Variants in CELF2 observed in about 807,000 individuals in gnomAD.
CELF2 encodes the protein CUG triplet repeat RNA-binding protein 2.
In CELF2, 8 loss-of-function variants were observed where a neutral mutation model predicts 62.6. The ratio of observed to expected loss-of-function variants is 0.13; its 90% confidence interval spans 0.07 to 0.23. The LOEUF is 0.23. Ranked by LOEUF, CELF2 falls within the 10% of genes least tolerant of loss-of-function variation. CELF2 has a pLI of 1.00. For missense variants in CELF2, 333 were observed against 671.0 expected (o/e 0.50, Z 5.56); for synonymous variants, 258 against 250.0 (o/e 1.03, Z -0.30).
At chr10:10,581,262 T>C in the CELF2 span, among the ~76,000 whole-genome samples, 2 of 152,206 alleles carry the variant, frequency 1.3e-5, no homozygotes, top group Non-Finnish European at 2.9e-5. Flanking sequence ...AAGTACAACC[T>C]TTAGCTAAAA....
At chr10:10,667,648 G>A in the CELF2 span, among the ~76,000 whole-genome samples, 3 of 152,254 alleles carry the variant, frequency 2.0e-5, no homozygotes, top group Admixed American at 6.5e-5. Flanking sequence ...ACGTTCTCCC[G>A]TGTGTGGGCT....
chr10:10,914,783 T>C (rs1008493945), intron 1 of CELF2, among the ~76,000 whole-genome samples: 1 of 152,194 alleles, frequency 6.6e-6, no homozygotes, highest in Non-Finnish European at 1.5e-5. Context: ...TCTTTTTCTC[T>C]GAACATATAA....
chr10:10,742,773 CAG>C, the CELF2 span, among the ~76,000 whole-genome samples: 2 of 152,148 alleles, frequency 1.3e-5, no homozygotes, highest in African/African-American at 4.8e-5. Flanking sequence ...TTTTGACAAT[CAG>C]GGCAATTTTC....
the CELF2 span, among the ~76,000 whole-genome samples, chr10:10,585,047 G>A: frequency 6.6e-6 from 1 of 152,088 alleles, no homozygotes; most frequent in Non-Finnish European, 1.5e-5. Context: ...TTAACAGGAA[G>A]GGATCTTGGA....
At chr10:11,108,987 T>C (rs1372378740) in intron 1 of CELF2, among the ~76,000 whole-genome samples, 2 of 152,222 alleles carry the variant, frequency 1.3e-5, no homozygotes, top group Non-Finnish European at 2.9e-5. Context: ...ACTGTGTCCT[T>C]TGTAGGCAGA....
At position 10,972,878 on chromosome 10, in the gene CELF2, C is replaced by T. The variant is rs534832732; in HGVS notation, c.89+52879C>T. Among the ~76,000 whole-genome samples the T allele has an allele frequency of 6.6e-6, 1 of 152,328 alleles. No homozygotes were observed. Among genetic ancestry groups the T allele is most frequent in the African/African-American group, 2.4e-5 (1 of 41,560 alleles). On this transcript the variant is annotated intron_variant, in intron 2 of 13. Coordinates refer to the CELF2 transcript ENST00000636488. This position sits in a 1 kb window ranked among gnomAD's most constrained non-coding sequence, Gnocchi z 4.4. ...ATTTTGCCTGTGTCTTCCCTCCCTA[C>T]ATCATCAGCACTACAACGAAGGCAC...
chr10:11,238,325 G>C (rs1256239714), intron 3 of CELF2, among the ~76,000 whole-genome samples: 1 of 152,190 alleles, frequency 6.6e-6, no homozygotes, highest in Non-Finnish European at 1.5e-5. Context: ...TACAGCCTTA[G>C]CAGCACTATA....
the CELF2 span, among the ~76,000 whole-genome samples, chr10:10,557,795 A>G: frequency 7.0e-6 from 1 of 143,572 alleles, no homozygotes; most frequent in East Asian, 2.0e-4. Flanking sequence ...TCTTTGAAGC[A>G]ATTGTGAATG....
intron 1 of CELF2, among the ~76,000 whole-genome samples, chr10:10,860,736 G>GA (rs2060003489): frequency 6.6e-6 from 1 of 152,166 alleles, no homozygotes; most frequent in South Asian, 2.1e-4. Context: ...TTATAGATAG[G>GA]AAAAGGAAGT....
At chr10:10,961,539 G>T (rs2049501222) in intron 2 of CELF2, among the ~76,000 whole-genome samples, 1 of 151,972 alleles carries the variant, frequency 6.6e-6, no homozygotes, top group Admixed American at 6.5e-5. Context: ...GTGAGGTCAA[G>T]AGTAAAAGAC....
chr10:10,596,313 G>A, the CELF2 span, among the ~76,000 whole-genome samples: 36,757 of 151,640 alleles, frequency 0.24, 4,965 homozygotes, highest in South Asian at 0.51. Flanking sequence ...TATAATGTTC[G>A]CTTTGAAAAA....
At chr10:11,278,033 G>A (rs537041462) in intron 8 of CELF2, among the ~76,000 whole-genome samples, 2 of 152,182 alleles carry the variant, frequency 1.3e-5, no homozygotes, top group South Asian at 2.1e-4. Context: ...CATACTGGTC[G>A]ATGAGGTTTA....
intron 2 of CELF2, among the ~76,000 whole-genome samples, chr10:11,187,179 G>A (rs1039712598): frequency 2.0e-5 from 3 of 152,042 alleles, no homozygotes; most frequent in Admixed American, 2.0e-4. Context: ...TCTCCTTTGA[G>A]TTCTATTTTT....
intron 1 of CELF2, among the ~76,000 whole-genome samples, chr10:11,078,733 C>T (rs1249252938): frequency 5.9e-5 from 9 of 152,112 alleles, no homozygotes; most frequent in East Asian, 1.9e-4. Context: ...ATAAAAGAAT[C>T]GGAGGCTGCC....
At position 11,335,263 on chromosome 10, in the gene CELF2, T is replaced by A. The variant is rs2096097326; in HGVS notation, c.*6210T>A. On this transcript the variant is annotated 3_prime_UTR_variant, in exon 13 of 13. Transcript: ENST00000633077. This position sits in a 1 kb window ranked among gnomAD's most constrained non-coding sequence, Gnocchi z 5.0. Reference sequence around the variant, plus strand: ...GCCCTGTTCTGCCTCTGCTCAGGAATCTGATTGCTCTTAAAGTGCTCTTAC... The same window carrying A: ...GCCCTGTTCTGCCTCTGCTCAGGAAACTGATTGCTCTTAAAGTGCTCTTAC... 6.6e-6 allele frequency: 1 copy of A among 152,370 alleles called. No individual in the cohort carries two copies. The highest frequency in any genetic ancestry group is 2.4e-5 in the African/African-American group (1 of 41,468). The allele number at this position is 152,370 out of a possible 1,614,324, so 9.4% of individuals were successfully genotyped here.
chr10:10,883,588 C>T (rs1439805020), intron 1 of CELF2, among the ~76,000 whole-genome samples: 1 of 152,056 alleles, frequency 6.6e-6, no homozygotes, highest in Admixed American at 6.6e-5. Context: ...GTGTGCTTCT[C>T]ATGCTGTCCC....
the CELF2 span, among the ~76,000 whole-genome samples, chr10:10,660,240 A>C: frequency 6.6e-6 from 1 of 152,228 alleles, no homozygotes; most frequent in East Asian, 1.9e-4. Flanking sequence ...TAATAATAAC[A>C]ACAATAGCTA....
chr10:11,080,187 TA>T (rs1291973172), intron 1 of CELF2, among the ~76,000 whole-genome samples: 3 of 152,198 alleles, frequency 2.0e-5, no homozygotes, highest in Non-Finnish European at 2.9e-5. Context: ...AAAATGGAAA[TA>T]ACATAGGTTT....
intron 1 of CELF2, among the ~76,000 whole-genome samples, chr10:10,856,988 G>C (rs1591248584): frequency 6.6e-6 from 1 of 152,220 alleles, no homozygotes; most frequent in Non-Finnish European, 1.5e-5. Flanking sequence ...TGATCTTTTA[G>C]AGAAAGGAAA....
Sources: allele counts gnomAD v4.1 joint callset (sites outside exome capture counted in the v4.1 genomes callset), GRCh38; gene constraint gnomAD v4.1.1; non-coding constraint Gnocchi (gnomAD v3.1); transcripts MANE v1.5; gene names NCBI Gene and HGNC (gene_info 2026-07-23, HGNC 2026-07-21).